Variants in TMEM132C observed in about 807,000 individuals in gnomAD.
The protein encoded by TMEM132C is protein phosphatase 1, regulatory subunit 152.
In TMEM132C, 29 loss-of-function variants were observed where a neutral mutation model predicts 61.4. The observed-to-expected ratio is 0.47, with a 90% CI of 0.35 to 0.64. The LOEUF is 0.64. Among genes scored for constraint, TMEM132C ranks in the 30% least tolerant of loss-of-function variants. The pLI, the probability that TMEM132C is intolerant of heterozygous loss-of-function variation, is 0.00. For missense variants in TMEM132C, 1,408 were observed against 1,476.9 expected, an observed-to-expected ratio of 0.95 and a Z score of 0.76; for synonymous variants, 656 against 633.1, an observed-to-expected ratio of 1.04 and a Z score of -0.54.
chr12:128,379,987 C>T (rs1488561297), intron 1 of TMEM132C, among the ~76,000 whole-genome samples: 1 of 152,218 alleles, frequency 6.6e-6, no homozygotes, highest in African/African-American at 2.4e-5. Flanking sequence ...GCACTTGTCA[C>T]AGTTCTGCCA....
chr12:128,326,754 G>GTAGCTGGGACT lies in TMEM132C; in HGVS notation c.85+59267_85+59268insTAGCTGGGACT, dbSNP rs1565902082. Among the ~76,000 whole-genome samples, 1 of 150,504 alleles carries GTAGCTGGGACT rather than the reference G, an allele frequency of 6.6e-6. No homozygotes were observed. Among genetic ancestry groups the GTAGCTGGGACT allele is most frequent in the African/African-American group, 2.5e-5 (1 of 39,808 alleles). On this transcript the variant is annotated intron_variant, in intron 1 of 8. Transcript: ENST00000435159. This position sits in a 1 kb window ranked among gnomAD's most constrained non-coding sequence, Gnocchi z 5.6. Reference sequence around the variant, plus strand: ...GGCAGAGAAGTTTCGAGATTCATCAGATGTCTTTATGGCTCCCACATCTCG... The same window carrying GTAGCTGGGACT: ...GGCAGAGAAGTTTCGAGATTCATCAGTAGCTGGGACTATGTCTTTATGGCTCCCACATCTCG...
chr12:128,509,010 C>T (rs1872482560), intron 2 of TMEM132C, among the ~76,000 whole-genome samples: 1 of 152,180 alleles, frequency 6.6e-6, no homozygotes, highest in African/African-American at 2.4e-5. Flanking sequence ...CAGTGTCCTG[C>T]CTGGCCCAGG....
intron 2 of TMEM132C, among the ~76,000 whole-genome samples, chr12:128,484,587 T>G (rs1249169466): frequency 6.6e-6 from 1 of 152,112 alleles, no homozygotes; most frequent in Non-Finnish European, 1.5e-5. Flanking sequence ...CGTCCTCATA[T>G]ATTAAAAGGG....
At chr12:128,322,054 GA>G (rs1446090054) in intron 1 of TMEM132C, among the ~76,000 whole-genome samples, 1 of 152,198 alleles carries the variant, frequency 6.6e-6, no homozygotes, top group Non-Finnish European at 1.5e-5. Flanking sequence ...TTCTCAATAA[GA>G]GATAGAAACT....
At chr12:128,376,074 C>T (rs1445922862) in intron 1 of TMEM132C, among the ~76,000 whole-genome samples, 1 of 152,182 alleles carries the variant, frequency 6.6e-6, no homozygotes, top group East Asian at 1.9e-4. Flanking sequence ...TCCCGTTTTC[C>T]CCTTTGGAGG....
intron 4 of TMEM132C, among the ~76,000 whole-genome samples, chr12:128,650,682 AC>A (rs1275685943): frequency 6.6e-6 from 1 of 151,934 alleles, no homozygotes; most frequent in Non-Finnish European, 1.5e-5. Flanking sequence ...TGAGCAGTGA[AC>A]TTTTTTGCCA....
intron 4 of TMEM132C, among the ~76,000 whole-genome samples, chr12:128,636,630 C>T (rs368709240): frequency 8.6e-5 from 13 of 150,928 alleles, no homozygotes; most frequent in African/African-American, 2.7e-4. Context: ...ACATGAGATC[C>T]ACCCCCTTAA....
In TMEM132C at chr12:128,418,811, G is replaced by A. The variant is rs7955301; in HGVS notation, c.974+3191G>A. Among the ~76,000 whole-genome samples, 1,508 of 152,338 alleles carry A rather than the reference G, an allele frequency of 9.9e-3. 30 individuals carry two copies. The highest frequency in any genetic ancestry group is 0.033 in the African/African-American group (1,380 of 41,578). ...ACATTTTCAAAGGCAAGGAAGTTCA[G>A]TTGGAAAATTAGTTCCTTGAACACC... On this transcript the variant is annotated intron_variant, in intron 2 of 8. Coordinates refer to ENST00000435159, the MANE Select transcript of TMEM132C (RefSeq NM_001136103.3).
chr12:128,349,007 C>T (rs1228199259), intron 1 of TMEM132C, among the ~76,000 whole-genome samples: 1 of 152,090 alleles, frequency 6.6e-6, no homozygotes, highest in African/African-American at 2.4e-5. Flanking sequence ...GTGGGGAGGA[C>T]TCTGGGTGGT....
intron 1 of TMEM132C, among the ~76,000 whole-genome samples, chr12:128,307,007 A>G (rs1453264532): frequency 3.3e-5 from 5 of 152,154 alleles, no homozygotes. Context: ...CTATTATTGA[A>G]GGAATCAAAG....
At chr12:128,470,924 C>T (rs564108973) in intron 2 of TMEM132C, among the ~76,000 whole-genome samples, 2 of 152,302 alleles carry the variant, frequency 1.3e-5, no homozygotes, top group South Asian at 4.1e-4. Context: ...TATAATCTGC[C>T]TACCCCTGCC....
chr12:128,466,920 T>C (rs775451087), intron 2 of TMEM132C, among the ~76,000 whole-genome samples: 5 of 152,184 alleles, frequency 3.3e-5, no homozygotes, highest in Non-Finnish European at 4.4e-5. Flanking sequence ...GCAAATGTGC[T>C]GAGGGGAGGT....
intron 2 of TMEM132C, among the ~76,000 whole-genome samples, chr12:128,533,648 T>C (rs1873409079): frequency 6.6e-6 from 1 of 152,118 alleles, no homozygotes; most frequent in Admixed American, 6.5e-5. Context: ...AGTCACTGAA[T>C]TGGAGCCCAG....
chr12:128,432,854 T>A (rs923027481), intron 2 of TMEM132C, among the ~76,000 whole-genome samples: 3 of 152,094 alleles, frequency 2.0e-5, no homozygotes, highest in Non-Finnish European at 2.9e-5. Context: ...TACAGAGAAG[T>A]GATTCATGAA....
intron 2 of TMEM132C, among the ~76,000 whole-genome samples, chr12:128,429,467 G>A (rs1869311407): frequency 6.6e-6 from 1 of 152,190 alleles, no homozygotes; most frequent in Admixed American, 6.5e-5. Flanking sequence ...GATCACGAAT[G>A]TGCCCGGGAA....
chr12:128,339,968 T>C (rs1621093), intron 1 of TMEM132C, among the ~76,000 whole-genome samples: 12,517 of 152,250 alleles, frequency 0.082, 970 homozygotes, highest in African/African-American at 0.21. Flanking sequence ...TGGTCATCAA[T>C]GCAACTGTTT....
chr12:128,375,784 G>T (rs1389486407), intron 1 of TMEM132C, among the ~76,000 whole-genome samples: 2 of 152,200 alleles, frequency 1.3e-5, no homozygotes, highest in African/African-American at 2.4e-5. Context: ...GGCACTTGAA[G>T]AAGTGTGTGT....
chr12:128,454,600 G>A (rs894704696), intron 2 of TMEM132C, among the ~76,000 whole-genome samples: 4 of 152,206 alleles, frequency 2.6e-5, no homozygotes, highest in East Asian at 3.8e-4. Flanking sequence ...AGAGGTGTTC[G>A]CCGGGGCTGA....
At chr12:128,382,637 A>C (rs1874439187) in intron 1 of TMEM132C, among the ~76,000 whole-genome samples, 1 of 152,232 alleles carries the variant, frequency 6.6e-6, no homozygotes, top group Non-Finnish European at 1.5e-5. Flanking sequence ...AGCTTTAATA[A>C]TAATGATTCA....
Sources: gnomAD v4.1 joint callset for allele counts (sites outside exome capture counted in the v4.1 genomes callset) on GRCh38, gnomAD v4.1.1 for gene constraint, Gnocchi (gnomAD v3.1) non-coding constraint, MANE v1.5 for transcripts, NCBI Gene and HGNC (gene_info 2026-07-23, HGNC 2026-07-21) for gene names.